Variants in SLC4A8 observed in about 807,000 individuals in gnomAD.
SLC4A8 encodes electroneutral sodium bicarbonate exchanger 1.
A neutral mutation model predicts 125.0 loss-of-function variants in SLC4A8; 40 were observed. That is an observed-to-expected ratio of 0.32 (90% CI 0.25 to 0.42). The LOEUF is 0.42. Ranked by LOEUF, SLC4A8 falls within the 10% of genes least tolerant of loss-of-function variation. The pLI is 1.00. For synonymous variants in SLC4A8, 456 were observed against 476.0 expected (o/e 0.96, Z 0.55); for missense variants, 863 against 1,355.1 (o/e 0.64, Z 5.70).
At position 51,513,103 on chromosome 12, in the gene SLC4A8, T is replaced by A. The variant is rs1307052734; in HGVS notation, c.*5665T>A. On this transcript the variant is annotated 3_prime_UTR_variant, in exon 25 of 25. Transcript: ENST00000453097. ...ATGATGGTGGGTGGGATCTTAGCTC[T>A]AAATGAAAAGAACTGGACTTACTAA... The A allele has an allele frequency of 6.6e-6, 1 of 152,192 alleles. No individual in the cohort carries two copies. The highest frequency in any genetic ancestry group is 6.6e-5 in the Admixed American group (1 of 15,266). 9.4% of individuals were successfully genotyped at this position (152,192 alleles called of 1,614,324 possible). A position where few individuals can be genotyped will look rare whatever the true frequency, so the allele number is the denominator to read the frequency against.
At chr12:51,414,989 C>T (rs1565756859) in intron 1 of SLC4A8, among the ~76,000 whole-genome samples, 1 of 152,218 alleles carries the variant, frequency 6.6e-6, no homozygotes, top group Non-Finnish European at 1.5e-5. Flanking sequence ...GCCATTCTTG[C>T]ATCCCTGCGA....
In SLC4A8 at chr12:51,425,365, C is replaced by T. The variant is rs569310378; in HGVS notation, c.48+330C>T. 2.1e-4 allele frequency: 244 copies of T among 1,158,300 alleles called. No homozygotes were observed. In the African/African-American group the frequency reaches 3.4e-3, roughly 16 times the overall value. 71.8% of individuals were successfully genotyped at this position (1,158,300 alleles called of 1,614,324 possible). A position where few individuals can be genotyped will look rare whatever the true frequency, so the allele number is the denominator to read the frequency against. On this transcript the variant is annotated intron_variant, in intron 1 of 24. Coordinates refer to ENST00000453097, the MANE Select transcript of SLC4A8 (RefSeq NM_001039960.3). ...TGGAAGGGGCCGGCGTCTGGCCTCG[C>T]GTTGTCCTGCCAGAACGTGGGCAGA...
chr12:51,459,229 T>C (rs1228267907), intron 7 of SLC4A8, among the ~76,000 whole-genome samples: 2 of 152,200 alleles, frequency 1.3e-5, no homozygotes, highest in African/African-American at 4.8e-5. Context: ...CTCATAAGGC[T>C]TCCCATTTTA....
chr12:51,404,415 C>T (rs1331205566), intron 1 of SLC4A8, among the ~76,000 whole-genome samples: 3 of 152,140 alleles, frequency 2.0e-5, no homozygotes, highest in Non-Finnish European at 2.9e-5. Flanking sequence ...CACTCCCTAG[C>T]GCCAGCCAGG....
chr12:51,428,413 C>T (rs1044372265), intron 1 of SLC4A8, among the ~76,000 whole-genome samples: 3 of 152,146 alleles, frequency 2.0e-5, no homozygotes, highest in Non-Finnish European at 4.4e-5. Context: ...CTCCCGTATC[C>T]AAAGCCAGAT....
intron 2 of SLC4A8, among the ~76,000 whole-genome samples, chr12:51,447,249 A>AT (rs879841219): frequency 1.1e-3 from 165 of 144,250 alleles, no homozygotes; most frequent in East Asian, 1.4e-3. Flanking sequence ...CACCTGTCTA[A>AT]TTTTTTTTTT....
Position 51,457,441 on chromosome 12 carries a change from A to G in SLC4A8, c.665A>G (p.His222Arg). 6.2e-7 allele frequency: 1 copy of G among 1,614,172 alleles called. No homozygotes were observed. Among genetic ancestry groups the G allele is most frequent in the Non-Finnish European group, 8.5e-7 (1 of 1,179,998 alleles). The change falls in exon 6 of 25, where the codon CAT becomes CGT. Residue 222 changes from histidine to arginine, a missense_variant. Around this residue, in one of 6 missense-constraint regions of SLC4A8, gnomAD observed 390 missense variants for 634.4 expected, o/e 0.61. Transcript: ENST00000453097. Reference protein sequence around the residue: ...VREALLKKHHHQNEKKRNNLI... With the variant: ...VREALLKKHHRQNEKKRNNLI... ...GAAGCCCTTCTCAAAAAGCATCATC[A>G]TCAGAATGAAAAGAAGAGAAACAAC...
At chr12:51,507,326 T>C (rs1157209495) in intron 24 of SLC4A8, 100 bp from the exon 25 acceptor site, 3 of 738,766 alleles carry the variant, frequency 4.1e-6, no homozygotes, top group Non-Finnish European at 6.0e-6. Context: ...ACTTAAAATA[T>C]AGCCAGATCC....
Position 51,439,690 on chromosome 12 carries a change from T to G in SLC4A8, c.49-1018T>G, listed in dbSNP as rs561449212. On this transcript the variant is annotated intron_variant, in intron 1 of 24. Coordinates refer to ENST00000453097, the MANE Select transcript of SLC4A8 (RefSeq NM_001039960.3). ...GGAAGAGTGGATGAGAGATGAAAAT[T>G]AATTTTTTAGAGAAATTGCAAAGGA... Among the ~76,000 whole-genome samples the G allele has an allele frequency of 3.8e-4, 58 of 152,074 alleles. 1 individual carries two copies. Among genetic ancestry groups the G allele is most frequent in the Middle Eastern group, 3.4e-3 (1 of 292 alleles).
At chr12:51,504,148 A>G in intron 23 of SLC4A8, 28 bp downstream of exon 23, 1 of 1,336,092 alleles carries the variant, frequency 7.5e-7, no homozygotes. Flanking sequence ...CAAGGAGTTT[A>G]CTTTTGGGTT....
At chr12:51,397,644 A>G (rs1032385550) in intron 1 of SLC4A8, among the ~76,000 whole-genome samples, 1 of 152,092 alleles carries the variant, frequency 6.6e-6, no homozygotes, top group Non-Finnish European at 1.5e-5. Context: ...CAATGTTGCT[A>G]TTTTGGTATG....
intron 21 of SLC4A8, among the ~76,000 whole-genome samples, chr12:51,495,716 A>G (rs549745844): frequency 6.6e-6 from 1 of 151,966 alleles, no homozygotes; most frequent in East Asian, 1.9e-4. Context: ...TTCTGACCTC[A>G]GGTGATCCAC....
chr12:51,479,375 T>C (rs1266374548), intron 16 of SLC4A8, among the ~76,000 whole-genome samples: 1 of 152,126 alleles, frequency 6.6e-6, no homozygotes, highest in Non-Finnish European at 1.5e-5. Flanking sequence ...GGAGGATGAT[T>C]GGGTGTTTGG....
rs143451347 is a variant in SLC4A8 at position 51,445,805 on chromosome 12, C to T, written c.130+5016C>T. 3.8e-3 allele frequency among the ~76,000 whole-genome samples: 578 copies of T among 151,976 alleles called. 8 individuals carry two copies. Among genetic ancestry groups the T allele is most frequent in the South Asian group, 0.018 (85 of 4,804 alleles). Reference sequence around the variant, plus strand: ...CGCTAGCATTTTACCTTATTTGGTTCATAGTAATAATCAATATTTAAATGA... The same window carrying T: ...CGCTAGCATTTTACCTTATTTGGTTTATAGTAATAATCAATATTTAAATGA... On this transcript the variant is annotated intron_variant, in intron 2 of 24. Transcript: ENST00000453097.
intron 16 of SLC4A8, 136 bp downstream of exon 16, chr12:51,475,342 C>A: frequency 1.3e-6 from 1 of 790,140 alleles, no homozygotes; most frequent in Non-Finnish European, 2.1e-6. Context: ...CACTGGCATT[C>A]TCTCCTAGTG....
chr12:51,461,308 C>T lies in SLC4A8; in HGVS notation c.1101+17C>T. 7.2e-7 allele frequency: 1 copy of T among 1,391,734 alleles called. No individual in the cohort carries two copies. The highest frequency in any genetic ancestry group is 1.2e-5 in the South Asian group (1 of 86,578). 86.2% of individuals were successfully genotyped at this position (1,391,734 alleles called of 1,614,324 possible). On this transcript the variant is annotated intron_variant, in intron 9 of 24. Coordinates refer to ENST00000453097, the MANE Select transcript of SLC4A8 (RefSeq NM_001039960.3). ...ACAGATGAGGTATGTGCAACTTTTG[C>T]TTCAGTCTTCCATCTCATAAATATT...
Position 51,512,565 on chromosome 12 carries a change from C to A in SLC4A8, c.*5127C>A, listed in dbSNP as rs1493193. ...TTTCTTGCTTAGGTCTGTGGCTGGT[C>A]ACTGTGGTGAAAGAGTCAAGGTGGG... On this transcript the variant is annotated 3_prime_UTR_variant, in exon 25 of 25. Coordinates refer to ENST00000453097, the MANE Select transcript of SLC4A8 (RefSeq NM_001039960.3). The A allele has an allele frequency of 0.93, 141,127 of 152,402 alleles. 65,411 individuals are homozygous for A. Among genetic ancestry groups the A allele is most frequent in the Non-Finnish European group, 0.95 (64,412 of 68,154 alleles). The allele number at this position is 152,402 out of a possible 1,614,324, so 9.4% of individuals were successfully genotyped here.
intron 1 of SLC4A8, among the ~76,000 whole-genome samples, chr12:51,410,952 G>A (rs1592145920): frequency 7.3e-6 from 1 of 137,712 alleles, no homozygotes; most frequent in Non-Finnish European, 1.5e-5. Context: ...ATAACTCACT[G>A]TAACCTCAAA....
At chr12:51,409,828 C>T (rs1296735933) in intron 1 of SLC4A8, among the ~76,000 whole-genome samples, 1 of 152,194 alleles carries the variant, frequency 6.6e-6, no homozygotes, top group Admixed American at 6.5e-5. Context: ...TGGTGAAGCA[C>T]CAGCAGTTGA....
Sources: gnomAD v4.1 joint callset for allele counts (sites outside exome capture counted in the v4.1 genomes callset) on GRCh38, gnomAD v4.1.1 for gene constraint, gnomAD v4.1.1 regional missense constraint, MANE v1.5 for transcripts, NCBI Gene and HGNC (gene_info 2026-07-23, HGNC 2026-07-21) for gene names.